The following ANO10 variants were observed in gnomAD, a reference collection of about 807,000 sequenced individuals.
ANO10 encodes anoctamin-10.
A neutral mutation model predicts 74.7 loss-of-function variants in ANO10; 77 were observed. The ratio of observed to expected loss-of-function variants is 1.03; its 90% CI spans 0.86 to 1.25. The LOEUF is 1.25. ANO10 is among the 50% of genes most tolerant of loss of function. The pLI, the probability that ANO10 is intolerant of heterozygous loss-of-function variation, is 0.00. For missense variants in ANO10, 721 were observed against 778.1 expected (o/e 0.93, Z 0.87); for synonymous variants, 279 against 284.9 (o/e 0.98, Z 0.21).
chr3:43,372,920 C>T (rs1042774897), intron 12 of ANO10: 1 of 1,425,434 alleles, frequency 7.0e-7, no homozygotes. Context: ...TGTGAAGCCT[C>T]TTTTTTTCAT....
rs540288484 is a variant in ANO10, at chr3:43,459,843, T to C, written c.1798-27116A>G. 3.3e-5 allele frequency among the ~76,000 whole-genome samples: 5 copies of C among 152,214 alleles called. 1 individual carries two copies. Among genetic ancestry groups the C allele is most frequent in the Non-Finnish European group, 7.3e-5 (5 of 68,042 alleles). ...GGTGGAACTACATAGTTGGTACTAC[T>C]GTTATCTCTATTTTAAAAAACAGGC... On this transcript the variant is annotated intron_variant, in intron 11 of 12. Coordinates refer to ENST00000292246, the MANE Select transcript of ANO10 (RefSeq NM_018075.5).
chr3:43,538,618 G>A (rs2078822198), intron 11 of ANO10, among the ~76,000 whole-genome samples: 1 of 152,130 alleles, frequency 6.6e-6, no homozygotes, highest in Admixed American at 6.5e-5. Context: ...CTGAAGAAAC[G>A]GAAAAAATGA....
rs573407048 is a variant in ANO10 at position 43,370,150 on chromosome 3, C to A, written c.1915-3176G>T. Among the ~76,000 whole-genome samples the A allele has an allele frequency of 1.6e-4, 24 of 152,300 alleles. No individual in the cohort carries two copies. The South Asian group carries it at 4.6e-3, about 29-fold the overall frequency. On this transcript the variant is annotated intron_variant, in intron 12 of 12. Transcript: ENST00000292246. ...TAACCACAGCCCTGGCCCAAGAGCACTTCCCACACCCTCCCCGATGGGGAA... is the reference window on the plus strand; with the variant it reads ...TAACCACAGCCCTGGCCCAAGAGCAATTCCCACACCCTCCCCGATGGGGAA...
chr3:43,555,150 T>C, intron 10 of ANO10, 128 bp downstream of exon 10: 1 of 958,004 alleles, frequency 1.0e-6, no homozygotes, highest in Non-Finnish European at 1.6e-6. Flanking sequence ...ACAGCTAGTT[T>C]GTAGCCAAAC....
chr3:43,447,280 C>T (rs2093261196), intron 11 of ANO10, among the ~76,000 whole-genome samples: 1 of 152,214 alleles, frequency 6.6e-6, no homozygotes, highest in Non-Finnish European at 1.5e-5. Flanking sequence ...TAGATTCTGT[C>T]AAATTGTTCC....
At chr3:43,510,192 C>T (rs962693882) in intron 11 of ANO10, among the ~76,000 whole-genome samples, 2 of 151,942 alleles carry the variant, frequency 1.3e-5, no homozygotes, top group Non-Finnish European at 2.9e-5. Context: ...CTAGCACTGT[C>T]GGAGGCCAAG....
intron 1 of ANO10, among the ~76,000 whole-genome samples, chr3:43,675,606 T>C (rs1338229615): frequency 1.3e-5 from 2 of 151,970 alleles, no homozygotes; most frequent in African/African-American, 2.4e-5. Flanking sequence ...GGGCAAAACA[T>C]CACATGAAAA....
intron 1 of ANO10, among the ~76,000 whole-genome samples, chr3:43,664,140 G>T (rs900314639): frequency 6.6e-6 from 1 of 151,850 alleles, no homozygotes; most frequent in African/African-American, 2.4e-5. Flanking sequence ...ATAGTACAAG[G>T]CTACAGTAAC....
chr3:43,592,924 T>C (rs1407950720), intron 4 of ANO10, among the ~76,000 whole-genome samples: 2 of 152,278 alleles, frequency 1.3e-5, no homozygotes, highest in South Asian at 2.1e-4. Context: ...AATGACCTGA[T>C]AGAGCTGAAA....
chr3:43,630,149 T>C (rs1414537950), intron 1 of ANO10, among the ~76,000 whole-genome samples: 1 of 152,216 alleles, frequency 6.6e-6, no homozygotes, highest in East Asian at 1.9e-4. Context: ...CTGCCATATG[T>C]TGATGCTAGA....
intron 11 of ANO10, among the ~76,000 whole-genome samples, chr3:43,506,832 G>C (rs2077312508): frequency 6.6e-6 from 1 of 152,008 alleles, no homozygotes; most frequent in Non-Finnish European, 1.5e-5. Flanking sequence ...CCCCCACCGT[G>C]GTACTTCCTA....
chr3:43,469,202 C>T (rs758156722), intron 11 of ANO10, among the ~76,000 whole-genome samples: 2 of 151,370 alleles, frequency 1.3e-5, no homozygotes, highest in Non-Finnish European at 2.9e-5. Flanking sequence ...ACAACCATGC[C>T]CGGCTAATTT....
intron 1 of ANO10, among the ~76,000 whole-genome samples, chr3:43,632,088 A>G (rs1223490106): frequency 2.0e-5 from 3 of 151,644 alleles, no homozygotes; most frequent in African/African-American, 4.8e-5. Flanking sequence ...AAAAAAAAAA[A>G]GAAAGTAAGT....
chr3:43,555,236 T>C, intron 10 of ANO10, 42 bp downstream of exon 10: 1 of 1,593,856 alleles, frequency 6.3e-7, no homozygotes, highest in African/African-American at 1.3e-5. Context: ...ACACCTCGTA[T>C]TTTTATTTTT....
intron 11 of ANO10, among the ~76,000 whole-genome samples, chr3:43,506,090 A>G (rs1366592904): frequency 6.6e-6 from 1 of 152,206 alleles, no homozygotes; most frequent in Non-Finnish European, 1.5e-5. Flanking sequence ...ATTTTACTCT[A>G]TGTGTGTTAA....
chr3:43,542,093 A>T (rs1368950681), intron 11 of ANO10, among the ~76,000 whole-genome samples: 1 of 152,160 alleles, frequency 6.6e-6, no homozygotes, highest in Non-Finnish European at 1.5e-5. Context: ...TGTAAAAAAG[A>T]TCTGCTGTAA....
intron 12 of ANO10, among the ~76,000 whole-genome samples, chr3:43,382,643 T>A (rs2092000934): frequency 6.6e-6 from 1 of 151,376 alleles, no homozygotes; most frequent in African/African-American, 2.4e-5. Flanking sequence ...GACTAATGGA[T>A]TAAGAAGAGA....
intron 12 of ANO10, among the ~76,000 whole-genome samples, chr3:43,372,061 T>G (rs887508648): frequency 3.9e-5 from 6 of 152,162 alleles, no homozygotes; most frequent in African/African-American, 1.2e-4. Context: ...TCCCTCTGAT[T>G]GTTGCTTCAT....
At chr3:43,446,570 A>G (rs146871976) in intron 11 of ANO10, among the ~76,000 whole-genome samples, 2,848 of 152,306 alleles carry the variant, frequency 0.019, 57 homozygotes, top group Non-Finnish European at 0.029. Flanking sequence ...TTATGTTCTT[A>G]AGATATGCTT....
Sources: allele counts gnomAD v4.1 joint callset (sites outside exome capture counted in the v4.1 genomes callset), GRCh38; gene constraint gnomAD v4.1.1; transcripts MANE v1.5; gene names NCBI Gene and HGNC (gene_info 2026-07-23, HGNC 2026-07-21).